The following FAT3 variants were observed in gnomAD, a reference collection of about 807,000 sequenced individuals.
FAT3 encodes protocadherin Fat 3.
A neutral mutation model predicts 310.2 loss-of-function variants in FAT3; 95 were observed. The observed-to-expected ratio is 0.31, with a 90% confidence interval of 0.26 to 0.36. The LOEUF is 0.36. Among genes scored for constraint, FAT3 ranks in the 10% least tolerant of loss-of-function variants. The pLI is 1.00. For synonymous variants in FAT3, 2,314 were observed against 2,192.9 expected (o/e 1.06, Z -1.54); for missense variants, 5,408 against 5,715.6 (o/e 0.95, Z 1.74).
intron 2 of FAT3, among the ~76,000 whole-genome samples, chr11:92,471,980 A>G (rs1951920968): frequency 6.8e-6 from 1 of 146,852 alleles, no homozygotes; most frequent in Admixed American, 6.9e-5. Context: ...TACATAATTT[A>G]TGTATGTATA....
chr11:92,305,362 A>G (rs1947093260), intron 1 of FAT3, among the ~76,000 whole-genome samples: 1 of 152,180 alleles, frequency 6.6e-6, no homozygotes, highest in African/African-American at 2.4e-5. Flanking sequence ...AGAAGAAAAG[A>G]TGGGAAATGG....
intron 2 of FAT3, among the ~76,000 whole-genome samples, chr11:92,466,484 A>C (rs1369649610): frequency 6.6e-6 from 1 of 151,702 alleles, no homozygotes. Flanking sequence ...TCACTTATGC[A>C]CTCAGCATCC....
intron 2 of FAT3, among the ~76,000 whole-genome samples, chr11:92,493,425 A>G (rs923607626): frequency 2.0e-5 from 3 of 151,982 alleles, no homozygotes; most frequent in Non-Finnish European, 4.4e-5. Context: ...TCTGCCTAGA[A>G]CTCAGATCTC....
chr11:92,287,325 G>T (rs114418228), intron 1 of FAT3, among the ~76,000 whole-genome samples: 1 of 152,082 alleles, frequency 6.6e-6, no homozygotes, highest in Admixed American at 6.6e-5. Context: ...GCAGAAGATC[G>T]TTTAAGTGGT....
In FAT3 at chr11:92,801,924, CCA is replaced by C; in HGVS notation, c.8896+16_8896+17del. ...CCATATTACAGGTGAGTAAATACCC[CCA>C]GTTTTCATTATGTGCACTGCTTTAT... On this transcript the variant is annotated intron_variant, in intron 10 of 27. Coordinates refer to ENST00000525166, the MANE Select transcript of FAT3 (RefSeq NM_001367949.2). 6.2e-7 allele frequency: 1 copy of C among 1,604,002 alleles called. No individual in the cohort carries two copies. Among genetic ancestry groups the C allele is most frequent in the South Asian group, 1.1e-5 (1 of 90,042 alleles).
At chr11:92,362,154 G>T (rs1030379268) in intron 2 of FAT3, among the ~76,000 whole-genome samples, 1 of 152,140 alleles carries the variant, frequency 6.6e-6, no homozygotes, top group African/African-American at 2.4e-5. Context: ...CATTTCTCCA[G>T]CATATCTGAG....
intron 4 of FAT3, among the ~76,000 whole-genome samples, chr11:92,715,422 AT>A (rs904953419): frequency 9.2e-5 from 14 of 152,000 alleles, no homozygotes; most frequent in African/African-American, 2.4e-4. Context: ...AAATAAAAAA[AT>A]AAATAAAAAT....
intron 2 of FAT3, among the ~76,000 whole-genome samples, chr11:92,360,194 G>A (rs1175007365): frequency 6.6e-6 from 1 of 152,112 alleles, no homozygotes. Flanking sequence ...AAAATCACAA[G>A]CATTCTTATA....
At chr11:92,246,743 G>A (rs573739074) in intron 1 of FAT3, among the ~76,000 whole-genome samples, 28 of 152,018 alleles carry the variant, frequency 1.8e-4, no homozygotes, top group Non-Finnish European at 3.7e-4. Flanking sequence ...GGCTGTGTTG[G>A]GGTTAGAGCT....
At chr11:92,349,512 T>G (rs1473369742) in intron 1 of FAT3, among the ~76,000 whole-genome samples, 1 of 152,230 alleles carries the variant, frequency 6.6e-6, no homozygotes, top group African/African-American at 2.4e-5. Context: ...GCTTCGCCAC[T>G]CTGCTAGGTA....
chr11:92,309,317 A>C lies in FAT3; in HGVS notation c.-17-42779A>C, dbSNP rs1466997759. Among the ~76,000 whole-genome samples, 10 of 106,544 alleles carry C rather than the reference A, an allele frequency of 9.4e-5. No homozygotes were observed. In the South Asian group the frequency reaches 9.6e-4, roughly 10 times the overall value. 69.9% of individuals were successfully genotyped at this position (106,544 alleles called of 152,430 possible). On this transcript the variant is annotated intron_variant, in intron 1 of 27. Transcript: ENST00000525166. ...AGCCCTCCCCCTCACTTCTCCAGCC[A>C]TCTCTCCTTCCCTTCCCTGTCCATA... is the stretch of plus-strand genomic sequence containing the variant.
At chr11:92,531,366 G>T (rs1259994305) in intron 3 of FAT3, among the ~76,000 whole-genome samples, 1 of 152,148 alleles carries the variant, frequency 6.6e-6, no homozygotes. Context: ...GGGAAGCTGT[G>T]CAGTTCCCCA....
intron 2 of FAT3, among the ~76,000 whole-genome samples, chr11:92,414,933 C>T (rs536407767): frequency 3.0e-4 from 45 of 152,074 alleles, no homozygotes; most frequent in African/African-American, 1.0e-3. Flanking sequence ...TGGCATGAAC[C>T]CGGGAGGCGG....
chr11:92,521,023 T>G (rs1391598463), intron 2 of FAT3, among the ~76,000 whole-genome samples: 3 of 152,260 alleles, frequency 2.0e-5, no homozygotes, highest in African/African-American at 7.2e-5. Context: ...AATCCTTTAA[T>G]GTCCAAAGGC....
At chr11:92,657,939 G>A (rs1034621546) in intron 3 of FAT3, among the ~76,000 whole-genome samples, 3 of 151,972 alleles carry the variant, frequency 2.0e-5, no homozygotes, top group Admixed American at 6.6e-5. Flanking sequence ...CAATGGAAAA[G>A]CAATAGGAGC....
chr11:92,782,420 T>TAAA (rs1001234893), intron 7 of FAT3, among the ~76,000 whole-genome samples: 1 of 151,206 alleles, frequency 6.6e-6, no homozygotes, highest in Non-Finnish European at 1.5e-5. Flanking sequence ...TTACAAAAAA[T>TAAA]AAAAAAAACC....
chr11:92,613,840 A>C (rs1940681363), intron 3 of FAT3, among the ~76,000 whole-genome samples: 1 of 152,174 alleles, frequency 6.6e-6, no homozygotes, highest in Non-Finnish European at 1.5e-5. Flanking sequence ...TGTCACCACA[A>C]TTTTAGGACA....
chr11:92,423,466 C>T (rs992493225), intron 2 of FAT3, among the ~76,000 whole-genome samples: 12 of 152,078 alleles, frequency 7.9e-5, no homozygotes, highest in African/African-American at 2.4e-4. Context: ...TTTAGCTCTG[C>T]GTGTAAGGAG....
intron 4 of FAT3, among the ~76,000 whole-genome samples, chr11:92,759,743 C>T (rs1020903946): frequency 6.6e-6 from 1 of 152,104 alleles, no homozygotes; most frequent in Non-Finnish European, 1.5e-5. Context: ...TTTGTAAATC[C>T]AGGTCCGTTT....
Sources: gnomAD v4.1 joint callset for allele counts (sites outside exome capture counted in the v4.1 genomes callset) on GRCh38, gnomAD v4.1.1 for gene constraint, MANE v1.5 for transcripts, NCBI Gene and HGNC (gene_info 2026-07-23, HGNC 2026-07-21) for gene names.